Variants in PDZD2 observed in about 807,000 individuals in gnomAD.
PDZD2 encodes PDZ domain-containing protein 2.
PDZD2 carries 90 observed loss-of-function variants against 220.7 expected under a neutral mutation model. That is an observed-to-expected ratio of 0.41 (90% CI 0.34 to 0.49). The LOEUF (loss-of-function observed/expected upper bound fraction) is 0.49. PDZD2 is among the 20% of genes least tolerant of loss of function. The probability of loss-of-function intolerance (pLI) is 0.28; values close to 1 mark genes in which losing one functional copy is unlikely to be tolerated. For synonymous variants in PDZD2, 1,375 were observed against 1,450.5 expected (o/e 0.95, Z 1.18); for missense variants, 3,174 against 3,608.5 (o/e 0.88, Z 3.08).
At chr5:31,810,676 G>A (rs1408930233) in intron 2 of PDZD2, among the ~76,000 whole-genome samples, 4 of 152,196 alleles carry the variant, frequency 2.6e-5, no homozygotes, top group South Asian at 2.1e-4. Flanking sequence ...TAGGTGAGCC[G>A]TTCCTATGAA....
chr5:32,100,975 C>T (rs777964652), intron 23 of PDZD2, 130 bp from the exon 24 acceptor site: 1 of 1,597,572 alleles, frequency 6.3e-7, no homozygotes, highest in South Asian at 1.1e-5. Context: ...TAAGTAAGTG[C>T]CCCAGGGTAG....
At chr5:31,797,094 A>ATTTTTTTTTTTTTTT (rs756548601) in intron 1 of PDZD2, among the ~76,000 whole-genome samples, 26 of 66,542 alleles carry the variant, frequency 3.9e-4, no homozygotes, top group African/African-American at 1.7e-3. Flanking sequence ...CACCCAGCTA[A>ATTTTTTTTTTTTTTT]TTTTTTTTTT....
At chr5:31,898,557 T>C (rs1741782516) in intron 2 of PDZD2, among the ~76,000 whole-genome samples, 1 of 152,226 alleles carries the variant, frequency 6.6e-6, no homozygotes, top group Non-Finnish European at 1.5e-5. Context: ...CTGTAAGCTC[T>C]GGACTGGCTG....
At chr5:31,904,538 A>G (rs1397705686) in intron 2 of PDZD2, among the ~76,000 whole-genome samples, 1 of 152,052 alleles carries the variant, frequency 6.6e-6, no homozygotes, top group Non-Finnish European at 1.5e-5. Flanking sequence ...TTATTTATTT[A>G]TTTTTTTGAG....
Position 31,963,450 on chromosome 5 carries a change from GA to G in PDZD2, c.477-19704del, listed in dbSNP as rs535983156. On this transcript the variant is annotated intron_variant, in intron 2 of 24. Coordinates refer to ENST00000438447, the MANE Select transcript of PDZD2 (RefSeq NM_178140.4). The stretch of plus-strand genomic sequence containing the variant: ...GGCCAGAACAGGGTGGGTGCTGGGA[GA>G]GGCGGGGGCTGTGCACACACACACA... 2.7e-4 allele frequency among the ~76,000 whole-genome samples: 41 copies of G among 152,334 alleles called. No individual in the cohort carries two copies. The South Asian group carries it at 4.1e-3, about 15-fold the overall frequency.
At position 31,884,235 on chromosome 5, in the gene PDZD2, A is replaced by G. The variant is rs141309313; in HGVS notation, c.476+84511A>G. Among the ~76,000 whole-genome samples the G allele has an allele frequency of 5.3e-3, 751 of 141,968 alleles. 7 individuals are homozygous for G. Among genetic ancestry groups the G allele is most frequent in the African/African-American group, 0.016 (657 of 40,618 alleles). The allele number at this position is 141,968 out of a possible 152,430, so 93.1% of individuals were successfully genotyped here. On this transcript the variant is annotated intron_variant, in intron 2 of 24. Transcript: ENST00000438447. ...CTCAAAAATAACTGCATGCATGCAT[A>G]CATACATACATACATACATACATAC... is the stretch of plus-strand genomic sequence containing the variant.
At chr5:31,679,831 G>T (rs370170147) in intron 1 of PDZD2, among the ~76,000 whole-genome samples, 86 of 152,206 alleles carry the variant, frequency 5.7e-4, no homozygotes, top group African/African-American at 1.9e-3. Context: ...ATTTTTGAAG[G>T]TTCCCCCTGG....
chr5:31,918,357 A>G (rs980086582), intron 2 of PDZD2, among the ~76,000 whole-genome samples: 1 of 152,218 alleles, frequency 6.6e-6, no homozygotes, highest in Non-Finnish European at 1.5e-5. Flanking sequence ...GGAAATGTCA[A>G]TTCCTTACAT....
intron 5 of PDZD2, among the ~76,000 whole-genome samples, chr5:32,002,446 C>G (rs1003828648): frequency 6.6e-6 from 1 of 152,092 alleles, no homozygotes; most frequent in East Asian, 1.9e-4. Context: ...GCAGAACAAA[C>G]CCCGGGATTC....
chr5:31,887,591 G>A (rs1459661224), intron 2 of PDZD2, among the ~76,000 whole-genome samples: 1 of 152,164 alleles, frequency 6.6e-6, no homozygotes, highest in African/African-American at 2.4e-5. Context: ...TGCAGAGTCT[G>A]CTTCTCTCCT....
chr5:31,894,057 G>A (rs1741308381), intron 2 of PDZD2, among the ~76,000 whole-genome samples: 1 of 94,130 alleles, frequency 1.1e-5, no homozygotes, highest in African/African-American at 4.5e-5. Context: ...ACCACGCCCA[G>A]CTTTTTTTTT....
At chr5:31,856,602 G>A (rs934996199) in intron 2 of PDZD2, among the ~76,000 whole-genome samples, 2 of 152,156 alleles carry the variant, frequency 1.3e-5, no homozygotes, top group South Asian at 2.1e-4. Context: ...GCCTCCTCAC[G>A]TCCCTAAATT....
At chr5:32,095,466 G>C (rs1178152729) in intron 21 of PDZD2, among the ~76,000 whole-genome samples, 1 of 152,172 alleles carries the variant, frequency 6.6e-6, no homozygotes. Context: ...GTCCTTGGCA[G>C]TGCTGTGAGA....
intron 1 of PDZD2, among the ~76,000 whole-genome samples, chr5:31,709,013 G>C (rs1424596555): frequency 6.6e-6 from 1 of 151,306 alleles, no homozygotes; most frequent in Non-Finnish European, 1.5e-5. Flanking sequence ...TCAGCCTCCC[G>C]AGTAGCTGGG....
At chr5:31,708,426 G>A (rs1161208817) in intron 1 of PDZD2, among the ~76,000 whole-genome samples, 2 of 152,138 alleles carry the variant, frequency 1.3e-5, no homozygotes, top group Admixed American at 6.6e-5. Flanking sequence ...TGTCTTCTGG[G>A]CTTAAATTAT....
intron 2 of PDZD2, among the ~76,000 whole-genome samples, chr5:31,841,298 T>C (rs1757287261): frequency 6.6e-6 from 1 of 152,188 alleles, no homozygotes; most frequent in African/African-American, 2.4e-5. Context: ...TGAGTCCTGA[T>C]TCTACCACTT....
intron 2 of PDZD2, among the ~76,000 whole-genome samples, chr5:31,960,199 T>G (rs1433162646): frequency 1.3e-5 from 2 of 151,624 alleles, no homozygotes; most frequent in African/African-American, 4.9e-5. Context: ...TTTTCTTTCC[T>G]TCCTTTCCTT....
chr5:32,091,258 A>T (rs1743127817), intron 20 of PDZD2, 83 bp downstream of exon 20: 6 of 903,658 alleles, frequency 6.6e-6, no homozygotes, highest in Non-Finnish European at 8.0e-6. Flanking sequence ...AGTTGCAAAG[A>T]TAATGCAGAG....
chr5:32,037,528 T>C (rs1199428938), intron 7 of PDZD2, among the ~76,000 whole-genome samples, 186 bp downstream of exon 7: 1 of 152,196 alleles, frequency 6.6e-6, no homozygotes, highest in Non-Finnish European at 1.5e-5. Flanking sequence ...TGAATTTCAT[T>C]TTTTTTGAGT....
Sources: allele counts gnomAD v4.1 joint callset (sites outside exome capture counted in the v4.1 genomes callset), GRCh38; gene constraint gnomAD v4.1.1; transcripts MANE v1.5; gene names NCBI Gene and HGNC (gene_info 2026-07-23, HGNC 2026-07-21).